Variants in C12orf42 observed in about 807,000 individuals in gnomAD.
C12orf42 encodes the protein chromosome 12 open reading frame 42, also known as uncharacterized protein C12orf42.
Under a neutral mutation model 21.6 loss-of-function variants are expected in C12orf42, and 25 were observed. The observed-to-expected ratio is 1.16, with a 90% confidence interval of 0.84 to 1.62. The LOEUF (loss-of-function observed/expected upper bound fraction) is 1.62. Among genes scored for constraint, C12orf42 ranks in the 40% most tolerant of loss-of-function variants. The pLI is 0.00. For missense variants in C12orf42, 483 were observed against 459.3 expected (o/e 1.05, Z -0.47); for synonymous variants, 174 against 175.0 (o/e 0.99, Z 0.05).
the C12orf42 span, among the ~76,000 whole-genome samples, chr12:103,145,640 GA>G: frequency 6.6e-6 from 1 of 151,948 alleles, no homozygotes; most frequent in African/African-American, 2.4e-5. Flanking sequence ...GCCATAAAGG[GA>G]AAAAATAGTG....
the C12orf42 span, among the ~76,000 whole-genome samples, chr12:103,522,371 T>C: frequency 6.6e-6 from 1 of 152,182 alleles, no homozygotes; most frequent in African/African-American, 2.4e-5. Flanking sequence ...GTCTTGGGTA[T>C]GTCTTTATTA....
the C12orf42 span, among the ~76,000 whole-genome samples, chr12:103,120,920 T>C: frequency 3.0e-4 from 45 of 152,170 alleles, no homozygotes; most frequent in East Asian, 6.4e-3. Flanking sequence ...TTTCTAAGTA[T>C]AAGTAATTTA....
At chr12:103,065,266 C>T in the C12orf42 span, among the ~76,000 whole-genome samples, 1 of 152,166 alleles carries the variant, frequency 6.6e-6, no homozygotes, top group Admixed American at 6.6e-5. Context: ...ATAAACTTAA[C>T]CAAGTGGTGA....
chr12:103,114,925 CA>C, the C12orf42 span, among the ~76,000 whole-genome samples: 3 of 152,112 alleles, frequency 2.0e-5, no homozygotes, highest in African/African-American at 7.2e-5. Context: ...GCAAGCCATG[CA>C]AAAAAGGCAC....
At chr12:103,329,799 A>C (rs2041065563) in intron 4 of C12orf42, among the ~76,000 whole-genome samples, 1 of 151,966 alleles carries the variant, frequency 6.6e-6, no homozygotes, top group Non-Finnish European at 1.5e-5. Flanking sequence ...TGCTGTTTTT[A>C]TTCCAGCTTT....
the C12orf42 span, among the ~76,000 whole-genome samples, chr12:103,057,184 T>C: frequency 6.6e-6 from 1 of 151,978 alleles, no homozygotes; most frequent in African/African-American, 2.4e-5. Context: ...GCACATCTTT[T>C]TTTTTTTTTT....
At chr12:103,384,626 T>C (rs1446341522) in intron 3 of C12orf42, among the ~76,000 whole-genome samples, 3 of 152,116 alleles carry the variant, frequency 2.0e-5, no homozygotes. Flanking sequence ...CATCAAAACA[T>C]TAACATGCAT....
intron 2 of C12orf42, among the ~76,000 whole-genome samples, chr12:103,403,389 A>G (rs979894930): frequency 2.0e-5 from 3 of 152,108 alleles, no homozygotes; most frequent in Admixed American, 2.0e-4. Context: ...AAAAAAAAAA[A>G]AAGAAAAAGG....
the C12orf42 span, among the ~76,000 whole-genome samples, chr12:103,126,495 A>G: frequency 3.9e-5 from 6 of 152,304 alleles, no homozygotes; most frequent in African/African-American, 1.4e-4. Context: ...TTTCAGATCT[A>G]TTAATGTCAG....
chr12:103,314,503 G>C (rs2039273999), intron 4 of C12orf42, among the ~76,000 whole-genome samples: 1 of 152,180 alleles, frequency 6.6e-6, no homozygotes, highest in South Asian at 2.1e-4. Flanking sequence ...TTGTGAACTA[G>C]CTTGAGAATA....
At chr12:103,383,184 G>C (rs968295771) in intron 3 of C12orf42, among the ~76,000 whole-genome samples, 16 of 150,598 alleles carry the variant, frequency 1.1e-4, no homozygotes, top group Non-Finnish European at 2.2e-4. Flanking sequence ...GGAGTGCATT[G>C]GTGCAATCTT....
At chr12:103,142,877 G>C in the C12orf42 span, among the ~76,000 whole-genome samples, 1 of 152,136 alleles carries the variant, frequency 6.6e-6, no homozygotes, top group East Asian at 1.9e-4. Flanking sequence ...CACCTAGAGT[G>C]TCCAAGACAA....
the C12orf42 span, among the ~76,000 whole-genome samples, chr12:103,090,683 A>G: frequency 6.6e-6 from 1 of 152,060 alleles, no homozygotes; most frequent in Non-Finnish European, 1.5e-5. Context: ...GGCTTTAGGG[A>G]GGTTAAGGCA....
At chr12:103,107,416 T>C in the C12orf42 span, among the ~76,000 whole-genome samples, 1 of 151,928 alleles carries the variant, frequency 6.6e-6, no homozygotes, top group Non-Finnish European at 1.5e-5. Context: ...GAAATACACA[T>C]CTGTTTTCTT....
the C12orf42 span, among the ~76,000 whole-genome samples, chr12:103,203,504 A>G: frequency 3.9e-5 from 6 of 152,212 alleles, no homozygotes; most frequent in Admixed American, 3.9e-4. Context: ...TTACTTTAAA[A>G]AAATGTCCAC....
chr12:103,401,086 G>A (rs1050216265), intron 3 of C12orf42, among the ~76,000 whole-genome samples: 3 of 152,022 alleles, frequency 2.0e-5, no homozygotes, highest in Admixed American at 1.3e-4. Flanking sequence ...TGTTCACATC[G>A]TAGTCATTCA....
rs138032206 is a variant in C12orf42 at position 103,339,614 on chromosome 12, G to C, written c.259+29273C>G. 3.3e-3 allele frequency among the ~76,000 whole-genome samples: 502 copies of C among 152,282 alleles called. 3 individuals are homozygous for C. The highest frequency in any genetic ancestry group is 6.8e-3 in the Middle Eastern group (2 of 294). On this transcript the variant is annotated intron_variant, in intron 4 of 5. Transcript: ENST00000548883. The stretch of plus-strand genomic sequence containing the variant: ...AAAAGCTCAACATCACTGATCATTA[G>C]AGAAATGCAAATCAAAAGCACAATA...
chr12:103,497,563 A>T (rs183536067), upstream of C12orf42, among the ~76,000 whole-genome samples: 245 of 152,298 alleles, frequency 1.6e-3, 1 homozygote, highest in African/African-American at 5.6e-3. Context: ...AAACACCTGA[A>T]AATGCCCTTT....
the C12orf42 span, among the ~76,000 whole-genome samples, chr12:103,146,560 A>AAAAGAAAGAAAG: frequency 0.076 from 9,140 of 119,830 alleles, 358 homozygotes; most frequent in East Asian, 0.095. Flanking sequence ...ATAAAGAAAG[A>AAAAGAAAGAAAG]AAAGAAAGAA....
Sources: gnomAD v4.1 joint callset for allele counts (sites outside exome capture counted in the v4.1 genomes callset) on GRCh38, gnomAD v4.1.1 for gene constraint, MANE v1.5 for transcripts, NCBI Gene and HGNC (gene_info 2026-07-23, HGNC 2026-07-21) for gene names.